MS4A13: variants seen among roughly 807,000 people sequenced by gnomAD.
MS4A13 encodes the protein membrane-spanning 4-domains subfamily A member 13.
A neutral mutation model predicts 18.4 loss-of-function variants in MS4A13; 21 were observed. The ratio of observed to expected loss-of-function variants is 1.14; its 90% CI spans 0.81 to 1.64. The LOEUF is 1.64. Among genes scored for constraint, MS4A13 ranks in the 40% most tolerant of loss-of-function variants. The pLI, the probability that MS4A13 is intolerant of heterozygous loss-of-function variation, is 0.00. For missense variants in MS4A13, 173 were observed against 176.8 expected (o/e 0.98, Z 0.12); for synonymous variants, 62 against 57.2 (o/e 1.08, Z -0.38).
chr11:60,527,993 C>T (rs906971093), intron 5 of MS4A13, among the ~76,000 whole-genome samples: 19 of 152,014 alleles, frequency 1.2e-4, no homozygotes, highest in Admixed American at 5.2e-4. Flanking sequence ...AATTATTTAC[C>T]TTGGTATTTC....
chr11:60,529,349 T>G lies in MS4A13; in HGVS notation c.307-16T>G. The G allele has an allele frequency of 6.7e-7, 1 of 1,481,778 alleles. No homozygotes were observed. Among genetic ancestry groups the G allele is most frequent in the Non-Finnish European group, 9.3e-7 (1 of 1,079,552 alleles). The allele number at this position is 1,481,778 out of a possible 1,614,324, so 91.8% of individuals were successfully genotyped here. ...AGATAATAGCATTAAGATTTCTCCC[T>G]GTTTTTTGGTTATAGAAACTTGGGA... On this transcript the variant is annotated splice_polypyrimidine_tract_variant and intron_variant, in intron 5 of 6. Transcript: ENST00000378186.
chr11:60,529,392 T>G lies in MS4A13; in HGVS notation c.334T>G (p.Leu112Val). 6.2e-7 allele frequency: 1 copy of G among 1,608,670 alleles called. No individual in the cohort carries two copies. Among genetic ancestry groups the G allele is most frequent in the Non-Finnish European group, 8.5e-7 (1 of 1,177,368 alleles). Residue 112 changes from leucine to valine, a missense_variant, in exon 6 of 7, where the codon TTA becomes GTA. Physicochemically the swap from Leu to Val is conservative, Grantham distance 32 (BLOSUM62 1). Coordinates refer to ENST00000378186, the MANE Select transcript of MS4A13 (RefSeq NM_001012417.3). The part of the protein sequence containing the change: ...AKLGREVSRI[L>V]LFFYGLEFSI... ...ACTTGGGAGGGAAGTATCACGTATT[T>G]TACTGTTCTTCTACGGTTTGGAATT...
At position 60,539,667 on chromosome 11, in the gene MS4A13, G is replaced by A. The variant is rs150232535; in HGVS notation, c.403-2852G>A. On this transcript the variant is annotated intron_variant, in intron 6 of 6. Coordinates refer to ENST00000378186, the MANE Select transcript of MS4A13 (RefSeq NM_001012417.3). ...AAGAGATCCTCCTAGACACCTCCAT[G>A]TCAAACTGATAAAAAAGAAAATCTT... Among the ~76,000 whole-genome samples, 830 of 151,816 alleles carry A rather than the reference G, an allele frequency of 5.5e-3. 5 individuals are homozygous for A. Among genetic ancestry groups the A allele is most frequent in the African/African-American group, 0.019 (788 of 41,362 alleles).
chr11:60,533,400 T>A (rs1852932058), intron 6 of MS4A13, among the ~76,000 whole-genome samples: 1 of 118,096 alleles, frequency 8.5e-6, no homozygotes, highest in South Asian at 3.4e-4. Context: ...GCCGATGCAA[T>A]CAACTGGAAG....
chr11:60,541,371 C>G (rs2086857415), intron 6 of MS4A13, among the ~76,000 whole-genome samples: 1 of 152,172 alleles, frequency 6.6e-6, no homozygotes, highest in Admixed American at 6.5e-5. Context: ...GGAAACAACA[C>G]AGGTGGGTGA....
chr11:60,516,141 A>G (rs2086635732), intron 2 of MS4A13, 57 bp downstream of exon 2: 1 of 152,152 alleles, frequency 6.6e-6, no homozygotes, highest in African/African-American at 2.4e-5. Flanking sequence ...CATTTTTTTA[A>G]CGGATATATT....
intron 3 of MS4A13, among the ~76,000 whole-genome samples, chr11:60,519,418 T>C (rs1208416565): frequency 5.3e-5 from 8 of 152,004 alleles, no homozygotes; most frequent in Non-Finnish European, 1.0e-4. Context: ...TTTTTTTTTT[T>C]CCAGTAGCTT....
At chr11:60,538,177 T>TAAAA (rs1555025699) in intron 6 of MS4A13, among the ~76,000 whole-genome samples, 1,531 of 75,054 alleles carry the variant, frequency 0.02, 20 homozygotes, top group Middle Eastern at 0.035. Context: ...TAAAGTATAA[T>TAAAA]AAAAAAAAAA....
intron 6 of MS4A13, among the ~76,000 whole-genome samples, chr11:60,529,767 C>T (rs80255132): frequency 0.017 from 2,617 of 152,246 alleles, 61 homozygotes; most frequent in African/African-American, 0.053. Flanking sequence ...ATTCTCTTTA[C>T]TAATTGTATG....
chr11:60,527,494 C>T lies in MS4A13; in HGVS notation c.307-1871C>T, dbSNP rs140558530. ...TTGAGCTGCTCTGGCCAACCTTTTG[C>T]CGCTTTCAGTCAGGGAGGGAGTTTT... On this transcript the variant is annotated intron_variant, in intron 5 of 6. Coordinates refer to ENST00000378186, the MANE Select transcript of MS4A13 (RefSeq NM_001012417.3). Among the ~76,000 whole-genome samples the T allele has an allele frequency of 3.4e-5, 5 of 148,968 alleles. No homozygotes were observed. The Admixed American group carries it at 3.4e-4, about 10-fold the overall frequency.
chr11:60,527,858 T>TA (rs1011638803), intron 5 of MS4A13, among the ~76,000 whole-genome samples: 3 of 151,716 alleles, frequency 2.0e-5, no homozygotes, highest in Non-Finnish European at 4.4e-5. Context: ...ATTAAAAAAT[T>TA]AAAAAAAATA....
At chr11:60,542,283 AAGAG>A (rs961994841) in intron 6 of MS4A13, among the ~76,000 whole-genome samples, 1 of 150,114 alleles carries the variant, frequency 6.7e-6, no homozygotes, top group Non-Finnish European at 1.5e-5. Context: ...GAAAGAAAGA[AAGAG>A]AAAGAAAGAA....
At chr11:60,524,896 G>A (rs11230359) in intron 4 of MS4A13, among the ~76,000 whole-genome samples, 12,753 of 151,970 alleles carry the variant, frequency 0.084, 583 homozygotes, top group South Asian at 0.16. Context: ...TCCTGACCTC[G>A]TGATCCACCC....
intron 6 of MS4A13, among the ~76,000 whole-genome samples, chr11:60,541,957 C>T (rs768103651): frequency 1.3e-4 from 20 of 151,674 alleles, no homozygotes; most frequent in Non-Finnish European, 2.5e-4. Context: ...AAAAATTAGC[C>T]AGGCATGGTG....
intron 6 of MS4A13, among the ~76,000 whole-genome samples, chr11:60,529,841 C>T (rs779210923): frequency 9.2e-5 from 14 of 152,166 alleles, no homozygotes; most frequent in African/African-American, 1.4e-4. Context: ...CTTTCCATTA[C>T]AAAACATATC....
chr11:60,542,207 G>A (rs1443009200), intron 6 of MS4A13, among the ~76,000 whole-genome samples: 1 of 116,258 alleles, frequency 8.6e-6, no homozygotes, highest in Non-Finnish European at 1.9e-5. Context: ...AGGGAGGAAG[G>A]GAGGAAGGAA....
chr11:60,523,936 T>C lies in MS4A13; in HGVS notation c.169T>C (p.Tyr57His). Reference sequence around the variant, plus strand: ...AGTCTTCCTAATAAGAGTAACAAAGTATCCGACTCGATCTGGAGTAAGTTG... The same window carrying C: ...AGTCTTCCTAATAAGAGTAACAAAGCATCCGACTCGATCTGGAGTAAGTTG... ...AGVFLIRVTK[Y>H]PTRSGIISTL... Residue 57 changes from tyrosine to histidine, a missense_variant, in exon 4 of 7, where the codon TAT (tyrosine) becomes CAT (histidine). Tyr to His is a moderately conservative substitution (Grantham distance 83). Transcript: ENST00000378186. 6.5e-7 allele frequency: 1 copy of C among 1,544,306 alleles called. No homozygotes were observed. Among genetic ancestry groups the C allele is most frequent in the Non-Finnish European group, 9.0e-7 (1 of 1,116,888 alleles).
intron 6 of MS4A13, among the ~76,000 whole-genome samples, chr11:60,540,154 A>G (rs898596335): frequency 1.3e-5 from 2 of 152,200 alleles, no homozygotes; most frequent in Non-Finnish European, 2.9e-5. Context: ...CCTTAATTTA[A>G]GGTCGTGTTA....
chr11:60,523,359 A>G (rs903542667), intron 3 of MS4A13, among the ~76,000 whole-genome samples: 2 of 152,202 alleles, frequency 1.3e-5, no homozygotes, highest in African/African-American at 4.8e-5. Context: ...CTGACATGAA[A>G]TAATGGAACC....
Sources: allele counts gnomAD v4.1 joint callset (sites outside exome capture counted in the v4.1 genomes callset), GRCh38; gene constraint gnomAD v4.1.1; transcripts MANE v1.5; gene names NCBI Gene and HGNC (gene_info 2026-07-23, HGNC 2026-07-21).